TMEM117: variants seen among roughly 807,000 people sequenced by gnomAD.
TMEM117 encodes the protein transmembrane protein 117.
In TMEM117, 27 loss-of-function variants were observed where a neutral mutation model predicts 52.4. That is an observed-to-expected ratio of 0.51 (90% CI 0.38 to 0.71). TMEM117 has a LOEUF of 0.71. Among genes scored for constraint, TMEM117 ranks in the 30% least tolerant of loss-of-function variants. TMEM117 has a pLI of 0.00. For synonymous variants in TMEM117, 215 were observed against 206.3 expected, an observed-to-expected ratio of 1.04 and a Z score of -0.36; for missense variants, 556 against 630.5, an observed-to-expected ratio of 0.88 and a Z score of 1.26.
chr12:44,087,112 C>A (rs929572812), intron 3 of TMEM117, among the ~76,000 whole-genome samples: 1 of 150,706 alleles, frequency 6.6e-6, no homozygotes, highest in African/African-American at 2.4e-5. Context: ...TACACACTGT[C>A]ATAGATCTAT....
the TMEM117 span, among the ~76,000 whole-genome samples, chr12:43,799,048 C>G: frequency 2.6e-5 from 4 of 151,978 alleles, no homozygotes; most frequent in Admixed American, 2.6e-4. Flanking sequence ...CTGCTTCAGG[C>G]AACCTTATTA....
intron 4 of TMEM117, among the ~76,000 whole-genome samples, chr12:44,202,379 C>T (rs1949507304): frequency 6.7e-6 from 1 of 149,672 alleles, no homozygotes; most frequent in Non-Finnish European, 1.5e-5. Flanking sequence ...GCCATTTCTG[C>T]ATCTATTAAG....
At chr12:44,326,591 G>C (rs1273344184) in intron 6 of TMEM117, among the ~76,000 whole-genome samples, 1 of 152,160 alleles carries the variant, frequency 6.6e-6, no homozygotes, top group African/African-American at 2.4e-5. Flanking sequence ...TGTTGCATCA[G>C]ATCATATGAA....
intron 5 of TMEM117, among the ~76,000 whole-genome samples, chr12:44,283,676 C>T (rs1189078809): frequency 6.6e-6 from 1 of 152,132 alleles, no homozygotes; most frequent in Non-Finnish European, 1.5e-5. Flanking sequence ...TCAGATGAGA[C>T]TTTAGACTGT....
chr12:44,312,129 T>C (rs1950998369), intron 6 of TMEM117, among the ~76,000 whole-genome samples: 1 of 151,930 alleles, frequency 6.6e-6, no homozygotes, highest in African/African-American at 2.4e-5. Flanking sequence ...TGTGTGATGC[T>C]GATGTTGATG....
chr12:44,080,631 C>T (rs1383329973), intron 3 of TMEM117, among the ~76,000 whole-genome samples: 1 of 151,960 alleles, frequency 6.6e-6, no homozygotes, highest in Non-Finnish European at 1.5e-5. Context: ...CATCTTGCCT[C>T]CTACCTGTTT....
intron 5 of TMEM117, among the ~76,000 whole-genome samples, chr12:44,281,122 C>A (rs73086766): frequency 0.074 from 11,266 of 152,158 alleles, 600 homozygotes; most frequent in Middle Eastern, 0.16. Flanking sequence ...AAAAATCTTT[C>A]CCCTTAGAAT....
the TMEM117 span, chr12:43,798,557 A>G: frequency 6.6e-7 from 1 of 1,524,502 alleles, no homozygotes; most frequent in Non-Finnish European, 8.7e-7. Context: ...ACATATGCGA[A>G]TGCATACCCC....
chr12:43,880,494 A>T (rs1943877647), intron 2 of TMEM117, among the ~76,000 whole-genome samples: 1 of 152,168 alleles, frequency 6.6e-6, no homozygotes, highest in Admixed American at 6.5e-5. Context: ...CTTTGTAGAA[A>T]TTTGGGGAGT....
At chr12:44,201,261 G>T (rs1949492392) in intron 4 of TMEM117, among the ~76,000 whole-genome samples, 1 of 152,082 alleles carries the variant, frequency 6.6e-6, no homozygotes, top group Admixed American at 6.6e-5. Context: ...AGGTCAAATT[G>T]AAATCTCTAC....
rs1943486324 is a variant in TMEM117 at position 43,861,363 on chromosome 12, AC to A, written c.277+16439del. Among the ~76,000 whole-genome samples, 3 of 151,940 alleles carry A rather than the reference AC, an allele frequency of 2.0e-5. No homozygotes were observed. The South Asian group carries it at 6.2e-4, about 32-fold the overall frequency. On this transcript the variant is annotated intron_variant, in intron 2 of 7. Coordinates refer to ENST00000266534, the MANE Select transcript of TMEM117 (RefSeq NM_032256.3). ...CCTCTCAGATTCTTTCCCTGTTATAACCCCAGCCATGAGTCTGCTAGATCAG... is the reference window on the plus strand; with the variant it reads ...CCTCTCAGATTCTTTCCCTGTTATAACCCAGCCATGAGTCTGCTAGATCAG...
At chr12:44,017,011 G>C (rs1221279727) in intron 3 of TMEM117, among the ~76,000 whole-genome samples, 1 of 152,156 alleles carries the variant, frequency 6.6e-6, no homozygotes, top group African/African-American at 2.4e-5. Flanking sequence ...ATGGATTTTA[G>C]AGTGTTATCT....
chr12:44,292,275 C>T (rs1950714766), intron 5 of TMEM117, among the ~76,000 whole-genome samples: 1 of 151,760 alleles, frequency 6.6e-6, no homozygotes, highest in Non-Finnish European at 1.5e-5. Context: ...TCTTATGACC[C>T]TTTGTATTTC....
At chr12:44,077,294 G>C (rs1212130387) in intron 3 of TMEM117, among the ~76,000 whole-genome samples, 1 of 152,142 alleles carries the variant, frequency 6.6e-6, no homozygotes. Flanking sequence ...CTGCAAACAG[G>C]TCAAGAACTC....
chr12:44,100,545 C>T (rs955257776), intron 3 of TMEM117, among the ~76,000 whole-genome samples: 3 of 151,950 alleles, frequency 2.0e-5, no homozygotes, highest in Admixed American at 2.0e-4. Context: ...GGTGTGTTTT[C>T]ACCCATAAAA....
intron 1 of TMEM117, among the ~76,000 whole-genome samples, chr12:43,840,607 G>C (rs979982272): frequency 6.6e-6 from 1 of 152,160 alleles, no homozygotes; most frequent in African/African-American, 2.4e-5. Flanking sequence ...GTACCACTCA[G>C]CTCATCCAGT....
chr12:44,135,823 G>C (rs1948482202), intron 3 of TMEM117, among the ~76,000 whole-genome samples: 1 of 152,126 alleles, frequency 6.6e-6, no homozygotes, highest in Admixed American at 6.5e-5. Flanking sequence ...ATGTCCCATT[G>C]TTTTTATTCC....
At chr12:43,931,950 G>A (rs1180915042) in intron 2 of TMEM117, among the ~76,000 whole-genome samples, 3 of 152,098 alleles carry the variant, frequency 2.0e-5, no homozygotes, top group African/African-American at 4.8e-5. Context: ...TTTTATGGGC[G>A]TTTGGTCTGA....
At chr12:44,213,112 A>C (rs1388680326) in intron 5 of TMEM117, among the ~76,000 whole-genome samples, 1 of 152,164 alleles carries the variant, frequency 6.6e-6, no homozygotes, top group African/African-American at 2.4e-5. Context: ...TATATAATTT[A>C]ATGATTATAA....
Sources: allele counts gnomAD v4.1 joint callset (sites outside exome capture counted in the v4.1 genomes callset), GRCh38; gene constraint gnomAD v4.1.1; transcripts MANE v1.5; gene names NCBI Gene and HGNC (gene_info 2026-07-23, HGNC 2026-07-21).